Variants in TASP1 observed in about 807,000 individuals in gnomAD.
TASP1 encodes threonine aspartase 1.
TASP1 carries 16 observed loss-of-function variants against 56.6 expected under a neutral mutation model. That is an observed-to-expected ratio of 0.28 (90% CI 0.19 to 0.43). The LOEUF (loss-of-function observed/expected upper bound fraction) is 0.43, where lower values mean the gene tolerates loss of function less well. TASP1 is among the 20% of genes least tolerant of loss of function. TASP1 has a pLI of 1.00. For missense variants in TASP1, 393 were observed against 511.6 expected (o/e 0.77, Z 2.24); for synonymous variants, 179 against 184.2 (o/e 0.97, Z 0.23).
intron 7 of TASP1, among the ~76,000 whole-genome samples, chr20:13,566,238 T>C (rs2046525996): frequency 6.6e-6 from 1 of 152,162 alleles, no homozygotes; most frequent in Admixed American, 6.5e-5. Flanking sequence ...GGTTCTATAG[T>C]TGATGGTACT....
intron 11 of TASP1, among the ~76,000 whole-genome samples, chr20:13,442,116 G>A (rs192872177): frequency 6.6e-6 from 1 of 152,184 alleles, no homozygotes; most frequent in African/African-American, 2.4e-5. Context: ...GTTGTGAACT[G>A]TCCTTCCTGG....
chr20:13,261,335 C>T, the TASP1 span, among the ~76,000 whole-genome samples: 13,706 of 151,680 alleles, frequency 0.09, 699 homozygotes, highest in East Asian at 0.17. Context: ...GGAGAATCGC[C>T]TGAACCCAGA....
the TASP1 span, among the ~76,000 whole-genome samples, chr20:13,197,712 A>G: frequency 6.6e-6 from 1 of 152,306 alleles, no homozygotes; most frequent in East Asian, 1.9e-4. Flanking sequence ...AAGTTATGAG[A>G]GAAATTGTCA....
At chr20:13,588,311 GAA>G (rs1468169357) in intron 4 of TASP1, among the ~76,000 whole-genome samples, 1 of 92,176 alleles carries the variant, frequency 1.1e-5, no homozygotes, top group African/African-American at 3.8e-5. Context: ...GGAAGGAAGA[GAA>G]AGAAAAGGAA....
chr20:13,433,345 C>T (rs776588485), intron 12 of TASP1, among the ~76,000 whole-genome samples: 5 of 152,004 alleles, frequency 3.3e-5, no homozygotes, highest in Non-Finnish European at 5.9e-5. Context: ...TTAAAACCAA[C>T]CAGGTTGGGT....
the TASP1 span, among the ~76,000 whole-genome samples, chr20:13,200,428 C>A: frequency 1.3e-5 from 2 of 152,178 alleles, no homozygotes; most frequent in African/African-American, 4.8e-5. Context: ...CCCACACCTA[C>A]AAAATAAACC....
chr20:13,599,134 T>C (rs1251840610), intron 4 of TASP1, among the ~76,000 whole-genome samples: 1 of 152,186 alleles, frequency 6.6e-6, no homozygotes, highest in Non-Finnish European at 1.5e-5. Flanking sequence ...TCCTCAAGGA[T>C]CTAGAACTAG....
chr20:13,151,851 G>A, the TASP1 span, among the ~76,000 whole-genome samples: 1 of 152,040 alleles, frequency 6.6e-6, no homozygotes, highest in South Asian at 2.1e-4. Flanking sequence ...CAGCCCTTCA[G>A]GACCTCTACC....
chr20:13,236,030 G>A, the TASP1 span, among the ~76,000 whole-genome samples: 1 of 151,702 alleles, frequency 6.6e-6, no homozygotes, highest in African/African-American at 2.4e-5. Context: ...GTTCAAGCAA[G>A]TCTACTGCCT....
the TASP1 span, among the ~76,000 whole-genome samples, chr20:13,163,816 G>T: frequency 3.3e-5 from 5 of 152,118 alleles, no homozygotes; most frequent in Non-Finnish European, 7.4e-5. Context: ...CATTTGGCAG[G>T]TTAAGAAAAA....
At position 13,430,276 on chromosome 20, in the gene TASP1, T is replaced by G. The variant is rs546428319; in HGVS notation, c.1096+4768A>C. 1.4e-3 allele frequency among the ~76,000 whole-genome samples: 213 copies of G among 152,326 alleles called. 2 individuals carry two copies. Among genetic ancestry groups the G allele is most frequent in the Non-Finnish European group, 2.0e-3 (133 of 68,016 alleles). ...AATAAATTCTCTCAAAATGCGGTGG[T>G]TTAAGACAGCAAACACTTATTATCT... On this transcript the variant is annotated intron_variant, in intron 12 of 13. Transcript: ENST00000337743.
intron 13 of TASP1, chr20:13,393,644 C>A: frequency 7.7e-7 from 1 of 1,293,836 alleles, no homozygotes; most frequent in South Asian, 1.2e-5. Flanking sequence ...TGGTGGTGGA[C>A]CTCATGGCCC....
At chr20:13,610,197 C>T (rs1375898457) in intron 4 of TASP1, among the ~76,000 whole-genome samples, 1 of 152,168 alleles carries the variant, frequency 6.6e-6, no homozygotes, top group Non-Finnish European at 1.5e-5. Context: ...GGTAGTTGCA[C>T]AACACTGTGA....
intron 4 of TASP1, among the ~76,000 whole-genome samples, chr20:13,607,127 T>G (rs1485392662): frequency 6.6e-6 from 1 of 152,174 alleles, no homozygotes; most frequent in Non-Finnish European, 1.5e-5. Context: ...TTCTAAAAAA[T>G]GGAATTCTAA....
the TASP1 span, among the ~76,000 whole-genome samples, chr20:13,263,826 TA>T: frequency 6.6e-6 from 1 of 152,222 alleles, no homozygotes; most frequent in African/African-American, 2.4e-5. Flanking sequence ...TAATTAACTA[TA>T]TTGTTAGTTT....
chr20:13,281,919 C>T, the TASP1 span, among the ~76,000 whole-genome samples: 3 of 152,160 alleles, frequency 2.0e-5, no homozygotes, highest in Non-Finnish European at 1.5e-5. Flanking sequence ...CAGCCCCTTC[C>T]TTATGTACCA....
chr20:13,229,042 T>C, the TASP1 span, among the ~76,000 whole-genome samples: 1 of 152,162 alleles, frequency 6.6e-6, no homozygotes, highest in Non-Finnish European at 1.5e-5. Flanking sequence ...CTAAATTCTA[T>C]AGCCTCTTTT....
the TASP1 span, among the ~76,000 whole-genome samples, chr20:13,191,243 A>G: frequency 6.6e-6 from 1 of 152,230 alleles, no homozygotes; most frequent in Non-Finnish European, 1.5e-5. Context: ...TACTGAGTAT[A>G]GATCCAAAGG....
chr20:13,390,867 A>G (rs117123670), intron 13 of TASP1, among the ~76,000 whole-genome samples: 1 of 152,352 alleles, frequency 6.6e-6, no homozygotes, highest in East Asian at 1.9e-4. Context: ...TACTTAATTC[A>G]TGTTTATATC....
Sources: allele counts gnomAD v4.1 joint callset (sites outside exome capture counted in the v4.1 genomes callset), GRCh38; gene constraint gnomAD v4.1.1; transcripts MANE v1.5; gene names NCBI Gene and HGNC (gene_info 2026-07-23, HGNC 2026-07-21).